KIAA1217: variants seen among roughly 807,000 people sequenced by gnomAD.
KIAA1217 encodes the protein sickle tail protein homolog.
Under a neutral mutation model 163.9 loss-of-function variants are expected in KIAA1217, and 88 were observed. The ratio of observed to expected loss-of-function variants is 0.54; its 90% confidence interval spans 0.45 to 0.64. The LOEUF (loss-of-function observed/expected upper bound fraction) is 0.64. Ranked by LOEUF, KIAA1217 falls within the 30% of genes least tolerant of loss-of-function variation. The pLI is 0.00. For synonymous variants in KIAA1217, 903 were observed against 923.1 expected (o/e 0.98, Z 0.39); for missense variants, 2,372 against 2,475.0 (o/e 0.96, Z 0.88).
chr10:24,371,031 G>A (rs1185526037), intron 2 of KIAA1217, among the ~76,000 whole-genome samples: 1 of 152,200 alleles, frequency 6.6e-6, no homozygotes, highest in African/African-American at 2.4e-5. Context: ...CTTGGTAGAA[G>A]GATGCTAAAT....
chr10:24,497,136 G>A (rs1201225948), intron 8 of KIAA1217, among the ~76,000 whole-genome samples: 1 of 152,190 alleles, frequency 6.6e-6, no homozygotes, highest in African/African-American at 2.4e-5. Flanking sequence ...ATGCTAGGAA[G>A]TCAGCTACAA....
chr10:24,428,204 G>A (rs548182855), intron 3 of KIAA1217, among the ~76,000 whole-genome samples: 8 of 152,302 alleles, frequency 5.3e-5, no homozygotes, highest in Admixed American at 3.3e-4. Flanking sequence ...CAGTGGCCTC[G>A]CCCAGGCATG....
At chr10:23,887,003 C>T (rs923520696) in intron 1 of KIAA1217, among the ~76,000 whole-genome samples, 2 of 151,922 alleles carry the variant, frequency 1.3e-5, no homozygotes, top group East Asian at 3.9e-4. Context: ...TGAGGCCCCT[C>T]TTAATTCAAT....
Position 24,366,882 on chromosome 10 carries a change from G to A in KIAA1217, c.355-13987G>A, listed in dbSNP as rs183055205. 3.4e-4 allele frequency among the ~76,000 whole-genome samples: 52 copies of A among 152,338 alleles called. No individual in the cohort carries two copies. The East Asian group carries it at 8.1e-3, about 24-fold the overall frequency. On this transcript the variant is annotated intron_variant, in intron 2 of 20. Transcript: ENST00000376454. The stretch of plus-strand genomic sequence containing the variant: ...AATGATACAAGGTGAATTCAGAAGC[G>A]CCTATGGCAGGGTATTTTGGGGCAA...
intron 5 of KIAA1217, among the ~76,000 whole-genome samples, chr10:24,451,964 C>A (rs1311002857): frequency 2.0e-5 from 3 of 152,130 alleles, no homozygotes; most frequent in African/African-American, 4.8e-5. Flanking sequence ...GCCTAGGCGC[C>A]CCGAGTCCCA....
intron 5 of KIAA1217, among the ~76,000 whole-genome samples, chr10:24,439,921 G>A (rs909927570): frequency 3.9e-5 from 6 of 152,184 alleles, no homozygotes; most frequent in African/African-American, 1.4e-4. Context: ...AGGTTGAGGG[G>A]ACTAGGATGC....
At chr10:23,941,846 C>A (rs538435274) in intron 1 of KIAA1217, among the ~76,000 whole-genome samples, 2 of 152,166 alleles carry the variant, frequency 1.3e-5, no homozygotes, top group South Asian at 4.2e-4. Flanking sequence ...AAAGCCAAAC[C>A]TTAGGAATCA....
intron 6 of KIAA1217, among the ~76,000 whole-genome samples, chr10:24,476,659 T>C (rs540338254): frequency 6.6e-6 from 1 of 152,268 alleles, no homozygotes; most frequent in Non-Finnish European, 1.5e-5. Context: ...TCATTCCCCA[T>C]AATGTAAAAT....
intron 2 of KIAA1217, among the ~76,000 whole-genome samples, chr10:24,086,102 G>C (rs574762574): frequency 9.2e-5 from 14 of 152,100 alleles, no homozygotes; most frequent in African/African-American, 3.4e-4. Flanking sequence ...TTAGAAATTG[G>C]AGCACCACAC....
At chr10:24,128,866 C>CACAAAAA (rs1811328954) in intron 2 of KIAA1217, among the ~76,000 whole-genome samples, 2 of 152,318 alleles carry the variant, frequency 1.3e-5, no homozygotes, top group Admixed American at 6.5e-5. Context: ...AGCTAAAGTA[C>CACAAAAA]ATTGCATTTT....
intron 2 of KIAA1217, among the ~76,000 whole-genome samples, chr10:24,247,805 G>A (rs1185550279): frequency 6.6e-6 from 1 of 152,110 alleles, no homozygotes; most frequent in Non-Finnish European, 1.5e-5. Flanking sequence ...CGTCTTAAAG[G>A]AAAAAAATTT....
At chr10:24,369,016 G>T (rs2051189954) in intron 2 of KIAA1217, among the ~76,000 whole-genome samples, 1 of 152,170 alleles carries the variant, frequency 6.6e-6, no homozygotes, top group African/African-American at 2.4e-5. Flanking sequence ...TTCATGGCAG[G>T]ATTGGAGTCT....
chr10:24,529,134 A>G (rs2072704366), intron 14 of KIAA1217, among the ~76,000 whole-genome samples: 1 of 152,200 alleles, frequency 6.6e-6, no homozygotes, highest in Admixed American at 6.5e-5. Context: ...CTTGACTTGC[A>G]TGTTGAGAAA....
chr10:24,247,964 A>C (rs1245273684), intron 2 of KIAA1217, among the ~76,000 whole-genome samples: 1 of 152,200 alleles, frequency 6.6e-6, no homozygotes, highest in Non-Finnish European at 1.5e-5. Flanking sequence ...TTAAACAGAA[A>C]TGGTTGCCCT....
At position 24,473,796 on chromosome 10, in the gene KIAA1217, C is replaced by G. The variant is rs750065477; in HGVS notation, c.1415C>G (p.Pro472Arg). The change falls in exon 6 of 21, where the codon CCT (proline) becomes CGT (arginine). Residue 472 changes from proline (P) to arginine (R), a missense_variant. Coordinates refer to ENST00000376454, the MANE Select transcript of KIAA1217 (RefSeq NM_019590.5). ...CCTACACTGGGCTCCAAAACACCCC[C>G]TGCCTCTCCTCACAGAGTCAGTGAC... Reference protein sequence around the residue: ...HLPTLGSKTPPASPHRVSDLR... With the variant: ...HLPTLGSKTPRASPHRVSDLR... 3 of 1,614,180 alleles carry G rather than the reference C, an allele frequency of 1.9e-6. No individual in the cohort carries two copies. The highest frequency in any genetic ancestry group is 1.1e-5 in the South Asian group (1 of 91,086).
chr10:24,053,319 T>C (rs1344118883), intron 2 of KIAA1217, among the ~76,000 whole-genome samples: 1 of 152,194 alleles, frequency 6.6e-6, no homozygotes, highest in Non-Finnish European at 1.5e-5. Flanking sequence ...ATAAATATGA[T>C]ACACAAGTTA....
chr10:24,177,298 T>TA (rs58744670), intron 2 of KIAA1217, among the ~76,000 whole-genome samples: 24,286 of 67,746 alleles, frequency 0.36, 4,848 homozygotes, highest in Non-Finnish European at 0.45. Context: ...TATATATATA[T>TA]TACAATTTCT....
intron 2 of KIAA1217, among the ~76,000 whole-genome samples, chr10:24,350,212 T>C (rs2048289154): frequency 6.6e-6 from 1 of 152,260 alleles, no homozygotes; most frequent in African/African-American, 2.4e-5. Context: ...TATTTTTATA[T>C]GCTGCAGATG....
At chr10:23,807,915 C>T (rs1447400320) in intron 1 of KIAA1217, among the ~76,000 whole-genome samples, 1 of 152,174 alleles carries the variant, frequency 6.6e-6, no homozygotes, top group Non-Finnish European at 1.5e-5. Flanking sequence ...ACTCTTAGAT[C>T]TGAGCTACAG....
Sources: allele counts gnomAD v4.1 joint callset (sites outside exome capture counted in the v4.1 genomes callset), GRCh38; gene constraint gnomAD v4.1.1; transcripts MANE v1.5; gene names NCBI Gene and HGNC (gene_info 2026-07-23, HGNC 2026-07-21).